Variants in DEPDC5 observed in about 807,000 individuals in gnomAD.
DEPDC5 encodes the protein DEP domain containing 5, GATOR1 subcomplex subunit, also known as GATOR1 complex protein DEPDC5.
In DEPDC5, 73 loss-of-function variants were observed where a neutral mutation model predicts 217.3. The observed-to-expected ratio is 0.34, with a 90% CI of 0.28 to 0.41. DEPDC5 has a LOEUF of 0.41. DEPDC5 is among the 10% of genes least tolerant of loss of function. The probability of loss-of-function intolerance (pLI) is 1.00; values close to 1 mark genes in which losing one functional copy is unlikely to be tolerated. For synonymous variants in DEPDC5, 733 were observed against 756.7 expected (o/e 0.97, Z 0.51); for missense variants, 1,675 against 2,070.1 (o/e 0.81, Z 3.70).
At chr22:31,836,028 C>G (rs756405522) in intron 25 of DEPDC5, among the ~76,000 whole-genome samples, 1 of 152,224 alleles carries the variant, frequency 6.6e-6, no homozygotes, top group Non-Finnish European at 1.5e-5. Context: ...GTATTGCTCC[C>G]TTCTTTGGAA....
At chr22:31,842,032 G>GTTCAC (rs2091426395) in intron 27 of DEPDC5, among the ~76,000 whole-genome samples, 1 of 152,178 alleles carries the variant, frequency 6.6e-6, no homozygotes, top group South Asian at 2.1e-4. Context: ...GTTCAGTTCA[G>GTTCAC]TTCAGCTAAT....
intron 40 of DEPDC5, among the ~76,000 whole-genome samples, chr22:31,898,506 A>G (rs1048465855): frequency 2.0e-5 from 3 of 152,180 alleles, no homozygotes; most frequent in Admixed American, 1.3e-4. Flanking sequence ...TTTCTCAGGT[A>G]TAAAGATTAG....
chr22:31,835,919 C>G (rs2090958793), intron 25 of DEPDC5, among the ~76,000 whole-genome samples: 1 of 152,202 alleles, frequency 6.6e-6, no homozygotes, highest in African/African-American at 2.4e-5. Context: ...GATGAGGCAG[C>G]AGGGGCTACA....
intron 8 of DEPDC5, among the ~76,000 whole-genome samples, chr22:31,779,477 C>T (rs1396935257): frequency 1.3e-5 from 2 of 152,038 alleles, no homozygotes; most frequent in Non-Finnish European, 2.9e-5. Context: ...GTATTGCAGA[C>T]AGGTAGGGAG....
At position 31,906,755 on chromosome 22, in the gene DEPDC5, G is replaced by A. The variant is rs2093765997; in HGVS notation, c.*258G>A. On this transcript the variant is annotated 3_prime_UTR_variant, in exon 43 of 43. Coordinates refer to ENST00000651528, the MANE Select transcript of DEPDC5 (RefSeq NM_001242896.3). This position sits in a 1 kb window ranked among gnomAD's most constrained non-coding sequence, Gnocchi z 5.1. ...TGTCAGCAAGTGCTCAGAGCAGGTGGGAGGCACAGATTGTCCGTGGGAGGG... is the reference window on the plus strand; with the variant it reads ...TGTCAGCAAGTGCTCAGAGCAGGTGAGAGGCACAGATTGTCCGTGGGAGGG... 2 of 560,844 alleles carry A rather than the reference G, an allele frequency of 3.6e-6. No individual in the cohort carries two copies. The highest frequency in any genetic ancestry group is 3.7e-5 in the African/African-American group (2 of 53,344). The allele number at this position is 560,844 out of a possible 1,614,324, so 34.7% of individuals were successfully genotyped here.
intron 37 of DEPDC5, among the ~76,000 whole-genome samples, chr22:31,879,121 T>TATATATATACATATATATACACAC (rs1452817050): frequency 1.0e-5 from 1 of 95,762 alleles, no homozygotes; most frequent in African/African-American, 7.1e-5. Flanking sequence ...TATATACACA[T>TATATATATACATATATATACACAC]ATATATATAC....
chr22:31,815,822 A>ACC (rs985022526), intron 21 of DEPDC5: 2 of 1,202,874 alleles, frequency 1.7e-6, no homozygotes. Flanking sequence ...AACCAATGTT[A>ACC]CCGCACCCTG....
chr22:31,797,854 G>A, intron 13 of DEPDC5, 151 bp downstream of exon 13: 1 of 652,778 alleles, frequency 1.5e-6, no homozygotes, highest in Non-Finnish European at 2.7e-6. Context: ...GGATCCAATT[G>A]TACATTTCGT....
At chr22:31,856,161 A>ACG (rs1339352119) in intron 31 of DEPDC5, among the ~76,000 whole-genome samples, 1 of 148,788 alleles carries the variant, frequency 6.7e-6, no homozygotes, top group Non-Finnish European at 1.5e-5. Context: ...ACGCGCACAC[A>ACG]CACACACACA....
Position 31,777,991 on chromosome 22 carries a change from G to A in DEPDC5, c.414-108G>A, listed in dbSNP as rs965122014. On this transcript the variant is annotated intron_variant, in intron 7 of 42. Transcript: ENST00000651528. ...TCGAAGTCCTGACCTCAGGTAATTCGCCCGCCTTGGCTTCCCAAAGTGCTG... is the reference window on the plus strand; with the variant it reads ...TCGAAGTCCTGACCTCAGGTAATTCACCCGCCTTGGCTTCCCAAAGTGCTG... 5.3e-5 allele frequency: 64 copies of A among 1,211,964 alleles called. No individual in the cohort carries two copies. In the Middle Eastern group the frequency reaches 7.7e-4, roughly 15 times the overall value. The allele number at this position is 1,211,964 out of a possible 1,614,324, so 75.1% of individuals were successfully genotyped here. A position where few individuals can be genotyped will look rare whatever the true frequency, so the allele number is the denominator to read the frequency against.
chr22:31,866,252 T>C (rs1212717971), intron 33 of DEPDC5, among the ~76,000 whole-genome samples: 1 of 152,154 alleles, frequency 6.6e-6, no homozygotes, highest in African/African-American at 2.4e-5. Flanking sequence ...GGTTTTTTTT[T>C]AATCAAACGC....
At position 31,861,448 on chromosome 22, in the gene DEPDC5, A is replaced by G; in HGVS notation, c.3330+15A>G. On this transcript the variant is annotated intron_variant, in intron 33 of 42. Coordinates refer to ENST00000651528, the MANE Select transcript of DEPDC5 (RefSeq NM_001242896.3). The stretch of plus-strand genomic sequence containing the variant: ...TCTACCCTCAGGTTAGTCCAACTCC[A>G]GGGCTTCGCATGCCTGTCCCACTGG... 6.4e-7 allele frequency: 1 copy of G among 1,551,326 alleles called. No homozygotes were observed. The highest frequency in any genetic ancestry group is 8.7e-7 in the Non-Finnish European group (1 of 1,146,840).
rs139460181 is a variant in DEPDC5, at chr22:31,817,338, G to C, written c.1667-1684G>C. The C allele has an allele frequency of 7.6e-5, 21 of 275,826 alleles. No homozygotes were observed. In the East Asian group the frequency reaches 1.8e-3, roughly 23 times the overall value. The allele number at this position is 275,826 out of a possible 1,614,324, so 17.1% of individuals were successfully genotyped here. ...TTGGTCAGGCTGGTCTCGAACTCCT[G>C]ACCTCAGGTGATCTGCCCACCTCAG... On this transcript the variant is annotated intron_variant, in intron 21 of 42. Coordinates refer to ENST00000651528, the MANE Select transcript of DEPDC5 (RefSeq NM_001242896.3).
intron 23 of DEPDC5, 136 bp downstream of exon 23, chr22:31,821,773 G>T (rs921082340): frequency 8.7e-6 from 11 of 1,261,606 alleles, no homozygotes; most frequent in East Asian, 2.4e-5. Flanking sequence ...GCCTTCCTTT[G>T]TTGGCCAGTG....
Position 31,879,715 on chromosome 22 carries a change from A to T in DEPDC5, c.3996A>T (p.Arg1332=). Residue 1332 remains arginine (R), a synonymous_variant, in exon 38 of 43, where the codon CGA becomes CGT. Transcript: ENST00000651528. ...CAAGTAGGCACAGCTCCTTTAGCCG[A>T]AGTTTTGGAGGACGGAGCCAGGCGG... ...SYASRHSSFS[R]SFGGRSQAAA... is the part of the protein sequence containing the mutation. The T allele has an allele frequency of 6.2e-7, 1 of 1,614,122 alleles. No individual in the cohort carries two copies. The highest frequency in any genetic ancestry group is 8.5e-7 in the Non-Finnish European group (1 of 1,180,022).
intron 33 of DEPDC5, among the ~76,000 whole-genome samples, chr22:31,861,693 A>G (rs914800320): frequency 2.6e-5 from 4 of 152,236 alleles, no homozygotes; most frequent in Non-Finnish European, 5.9e-5. Flanking sequence ...TGTTTCACAT[A>G]GTTGTCACTG....
intron 7 of DEPDC5, among the ~76,000 whole-genome samples, chr22:31,775,996 G>A (rs187327284): frequency 0.015 from 2,013 of 135,996 alleles, 16 homozygotes; most frequent in Middle Eastern, 0.042. Context: ...AGCTGAGATC[G>A]CACCACTGCA....
In DEPDC5 at chr22:31,754,905, G is replaced by A. The variant is rs1178879168; in HGVS notation, c.-17G>A. On this transcript the variant is annotated 5_prime_UTR_variant, in exon 2 of 43. Transcript: ENST00000651528. ...CTGCCCCAAGCTTGGAACAGCTAAAGGGAAAAACAGTGCAAGATGAGAACA... is the reference window on the plus strand; with the variant it reads ...CTGCCCCAAGCTTGGAACAGCTAAAAGGAAAAACAGTGCAAGATGAGAACA... 6.2e-7 allele frequency: 1 copy of A among 1,614,028 alleles called. No individual in the cohort carries two copies. Among genetic ancestry groups the A allele is most frequent in the Non-Finnish European group, 8.5e-7 (1 of 1,180,006 alleles).
At chr22:31,797,431 A>G (rs2086369031) in intron 12 of DEPDC5, among the ~76,000 whole-genome samples, 169 bp from the exon 13 acceptor site, 1 of 152,024 alleles carries the variant, frequency 6.6e-6, no homozygotes, top group Admixed American at 6.6e-5. Flanking sequence ...GAACTCCCTC[A>G]CTATCACAAG....
Sources: allele counts gnomAD v4.1 joint callset (sites outside exome capture counted in the v4.1 genomes callset), GRCh38; gene constraint gnomAD v4.1.1; non-coding constraint Gnocchi (gnomAD v3.1); transcripts MANE v1.5; gene names NCBI Gene and HGNC (gene_info 2026-07-23, HGNC 2026-07-21).